Variants in NOCT observed in about 807,000 individuals in gnomAD.
NOCT encodes CCR4 carbon catabolite repression 4-like.
NOCT carries 18 observed loss-of-function variants against 35.0 expected under a neutral mutation model. That is an observed-to-expected ratio of 0.51 (90% CI 0.36 to 0.76). NOCT has a LOEUF of 0.76. NOCT is among the 30% of genes least tolerant of loss of function. The probability of loss-of-function intolerance (pLI) is 0.01; values close to 1 mark genes in which losing one functional copy is unlikely to be tolerated. For synonymous variants in NOCT, 235 were observed against 226.3 expected (o/e 1.04, Z -0.34); for missense variants, 479 against 541.0 (o/e 0.89, Z 1.14).
intron 1 of NOCT, among the ~76,000 whole-genome samples, chr4:139,033,651 C>G (rs1466874519): frequency 6.6e-6 from 1 of 151,494 alleles, no homozygotes; most frequent in Admixed American, 6.6e-5. Context: ...CAACTCCAGC[C>G]TGGGCAATGG....
chr4:139,030,955 A>C (rs1419831930), intron 1 of NOCT, among the ~76,000 whole-genome samples: 1 of 152,126 alleles, frequency 6.6e-6, no homozygotes, highest in Non-Finnish European at 1.5e-5. Context: ...TGCGTACTCA[A>C]GATAATCCTG....
intron 1 of NOCT, 48 bp downstream of exon 1, chr4:139,016,219 G>C (rs1726296190): frequency 1.7e-6 from 2 of 1,185,212 alleles, no homozygotes; most frequent in African/African-American, 3.2e-5. Context: ...CCGCCAACGC[G>C]CGGCCGCCAC....
At chr4:139,041,589 C>T (rs1285340725) in intron 1 of NOCT, among the ~76,000 whole-genome samples, 1 of 152,200 alleles carries the variant, frequency 6.6e-6, no homozygotes, top group East Asian at 1.9e-4. Context: ...AGATTATGCT[C>T]TGTTCTCCTT....
intron 1 of NOCT, among the ~76,000 whole-genome samples, chr4:139,034,690 G>A (rs1022377506): frequency 2.0e-4 from 31 of 151,884 alleles, no homozygotes; most frequent in African/African-American, 6.8e-4. Context: ...TCCCTCCTCA[G>A]CCCCTCAAGA....
chr4:139,031,083 A>G (rs1036475955), intron 1 of NOCT, among the ~76,000 whole-genome samples: 1 of 152,114 alleles, frequency 6.6e-6, no homozygotes, highest in Non-Finnish European at 1.5e-5. Flanking sequence ...AGAACAGGCA[A>G]TTGGTGGGCA....
chr4:139,039,002 A>AGT (rs796694701), intron 1 of NOCT, among the ~76,000 whole-genome samples: 11 of 152,068 alleles, frequency 7.2e-5, no homozygotes, highest in African/African-American at 2.2e-4. Flanking sequence ...TGTATTCGTG[A>AGT]GTGTGTGTGT....
At chr4:139,016,661 T>G (rs1294656232) in intron 1 of NOCT, among the ~76,000 whole-genome samples, 1 of 130,610 alleles carries the variant, frequency 7.7e-6, no homozygotes, top group Non-Finnish European at 1.6e-5. Context: ...TTTTTTTTTT[T>G]TTTTTTTTTT....
intron 1 of NOCT, among the ~76,000 whole-genome samples, chr4:139,025,393 TTTCC>T: frequency 6.6e-6 from 1 of 152,376 alleles, no homozygotes; most frequent in East Asian, 1.9e-4. Context: ...TGTACTGCCC[TTTCC>T]TTCTGGTTTC....
chr4:139,024,045 C>CTTT (rs368349308), intron 1 of NOCT, among the ~76,000 whole-genome samples: 6 of 130,968 alleles, frequency 4.6e-5, no homozygotes, highest in African/African-American at 1.8e-4. Context: ...TCTATTCATC[C>CTTT]TTTTTTTTTT....
At chr4:139,021,923 T>A (rs1726422752) in intron 1 of NOCT, among the ~76,000 whole-genome samples, 1 of 152,058 alleles carries the variant, frequency 6.6e-6, no homozygotes, top group South Asian at 2.1e-4. Context: ...CATGCCCGGC[T>A]AATTTTTTTG....
intron 1 of NOCT, among the ~76,000 whole-genome samples, chr4:139,034,508 C>T (rs758574385): frequency 6.6e-6 from 1 of 151,998 alleles, no homozygotes; most frequent in African/African-American, 2.4e-5. Flanking sequence ...AAAAATAATA[C>T]GTAAAGTCTA....
Position 139,043,273 on chromosome 4 carries a change from G to A in NOCT, c.390G>A (p.Val130=), listed in dbSNP as rs1726870648. The A allele has an allele frequency of 6.2e-7, 1 of 1,614,040 alleles. No individual in the cohort carries two copies. Among genetic ancestry groups the A allele is most frequent in the African/African-American group, 1.3e-5 (1 of 74,908 alleles). The change falls in exon 2 of 3, where the codon GTG becomes GTA. Residue 130 remains valine, a synonymous_variant. Coordinates refer to ENST00000280614, the MANE Select transcript of NOCT (RefSeq NM_012118.4). ...CTCCCCGGTTCCAGAGGGATTTTGT[G>A]GATCTGAGGACAGATTGCCCTAGTA... ...TRPPRFQRDF[V]DLRTDCPSTH...
Position 139,015,929 on chromosome 4 carries a change from C to T in NOCT, c.-53C>T. 7.8e-7 allele frequency: 1 copy of T among 1,278,450 alleles called. No individual in the cohort carries two copies. The highest frequency in any genetic ancestry group is 9.9e-7 in the Non-Finnish European group (1 of 1,008,654). 79.2% of individuals were successfully genotyped at this position (1,278,450 alleles called of 1,614,324 possible). A position where few individuals can be genotyped will look rare whatever the true frequency, so the allele number is the denominator to read the frequency against. ...CTCGACTCGGTGCCCTCGGCCCCAG[C>T]CGGGCTCCGCTCCTCGGGCGCGCGA... On this transcript the variant is annotated 5_prime_UTR_variant, in exon 1 of 3. Coordinates refer to ENST00000280614, the MANE Select transcript of NOCT (RefSeq NM_012118.4).
chr4:139,042,722 C>T lies in NOCT; in HGVS notation c.191-352C>T, dbSNP rs140579459. On this transcript the variant is annotated intron_variant, in intron 1 of 2. Coordinates refer to ENST00000280614, the MANE Select transcript of NOCT (RefSeq NM_012118.4). ...CCTGAGGTCGGGAGTTCCAGACTAG[C>T]CTGACCAACATGGGGAAACCCCATC... is the stretch of plus-strand genomic sequence containing the variant. Among the ~76,000 whole-genome samples, 397 of 152,142 alleles carry T rather than the reference C, an allele frequency of 2.6e-3. 1 individual carries two copies. The highest frequency in any genetic ancestry group is 9.1e-3 in the African/African-American group (378 of 41,538).
intron 1 of NOCT, among the ~76,000 whole-genome samples, chr4:139,020,216 T>G (rs1726382529): frequency 6.6e-6 from 1 of 152,224 alleles, no homozygotes; most frequent in African/African-American, 2.4e-5. Flanking sequence ...TGTAAATCAT[T>G]TAACCTTGCT....
chr4:139,020,602 T>TG (rs1254979958), intron 1 of NOCT, among the ~76,000 whole-genome samples: 1 of 152,192 alleles, frequency 6.6e-6, no homozygotes, highest in Non-Finnish European at 1.5e-5. Context: ...GCCCTCTGCT[T>TG]GATCAGTTTC....
Position 139,015,977 on chromosome 4 carries a change from C to A in NOCT, c.-5C>A. On this transcript the variant is annotated 5_prime_UTR_variant, in exon 1 of 3. Transcript: ENST00000280614. ...CGAGGGGCCGTGGTGGCGGCGGCGC[C>A]CGGCATGTTTCATAGTCCGCGGCGG... 1 of 1,354,398 alleles carries A rather than the reference C, an allele frequency of 7.4e-7. No individual in the cohort carries two copies. Among genetic ancestry groups the A allele is most frequent in the South Asian group, 1.7e-5 (1 of 57,270 alleles). The allele number at this position is 1,354,398 out of a possible 1,614,324, so 83.9% of individuals were successfully genotyped here. A position where few individuals can be genotyped will look rare whatever the true frequency, so the allele number is the denominator to read the frequency against.
rs146652606 is a variant in NOCT, at chr4:139,019,613, A to G, written c.190+3442A>G. On this transcript the variant is annotated intron_variant, in intron 1 of 2. Transcript: ENST00000280614. ...GTCCCGACAGCTGTCCACATTTGCTAATCAGTTCCTGCATAACTTATGCCC... is the reference window on the plus strand; with the variant it reads ...GTCCCGACAGCTGTCCACATTTGCTGATCAGTTCCTGCATAACTTATGCCC... Among the ~76,000 whole-genome samples, 11 of 152,340 alleles carry G rather than the reference A, an allele frequency of 7.2e-5. No homozygotes were observed. The East Asian group carries it at 1.2e-3, about 16-fold the overall frequency.
At chr4:139,034,073 G>A (rs1188364031) in intron 1 of NOCT, among the ~76,000 whole-genome samples, 1 of 152,108 alleles carries the variant, frequency 6.6e-6, no homozygotes, top group East Asian at 1.9e-4. Context: ...TATAGTTAAA[G>A]TTCAGGAGGC....
Sources: gnomAD v4.1 joint callset for allele counts (sites outside exome capture counted in the v4.1 genomes callset) on GRCh38, gnomAD v4.1.1 for gene constraint, MANE v1.5 for transcripts, NCBI Gene and HGNC (gene_info 2026-07-23, HGNC 2026-07-21) for gene names.